CFAP92: variants seen among roughly 807,000 people sequenced by gnomAD.
The protein encoded by CFAP92 is uncharacterized protein CFAP92.
Under a neutral mutation model 106.3 loss-of-function variants are expected in CFAP92, and 86 were observed. The ratio of observed to expected loss-of-function variants is 0.81; its 90% confidence interval spans 0.68 to 0.97. The LOEUF is 0.97. Among genes scored for constraint, CFAP92 ranks in the 50% least tolerant of loss-of-function variants. CFAP92 has a pLI of 0.00. For synonymous variants in CFAP92, 477 were observed against 506.4 expected (o/e 0.94, Z 0.78); for missense variants, 1,204 against 1,283.8 (o/e 0.94, Z 0.95).
chr3:128,957,893 A>C (rs747247739), intron 9 of CFAP92, among the ~76,000 whole-genome samples: 19 of 152,146 alleles, frequency 1.2e-4, no homozygotes, highest in Non-Finnish European at 2.5e-4. Flanking sequence ...AGAAGTCAGA[A>C]ATTAAGCTGT....
At chr3:129,012,245 C>T in the CFAP92 span, among the ~76,000 whole-genome samples, 4 of 152,216 alleles carry the variant, frequency 2.6e-5, no homozygotes, top group African/African-American at 9.7e-5. Context: ...TAGTACCTAC[C>T]GCACAGGGTA....
At chr3:129,000,935 C>T (rs1303456018) in intron 1 of CFAP92, among the ~76,000 whole-genome samples, 4 of 152,240 alleles carry the variant, frequency 2.6e-5, no homozygotes, top group Admixed American at 2.0e-4. Flanking sequence ...GCCTGTTTCC[C>T]TCTCTTTCCC....
chr3:129,004,758 G>C (rs1017959078), upstream of CFAP92, among the ~76,000 whole-genome samples: 10 of 152,090 alleles, frequency 6.6e-5, no homozygotes, highest in Admixed American at 6.6e-4. Flanking sequence ...GCCCTGTGAG[G>C]TGGGTACTGC....
rs1444072124 is a variant in CFAP92, at chr3:128,945,768, ACTC to A, written c.1558_1560del (p.Glu520del). 6.5e-7 allele frequency: 1 copy of A among 1,532,320 alleles called. No individual in the cohort carries two copies. Among genetic ancestry groups the A allele is most frequent in the African/African-American group, 1.4e-5 (1 of 72,722 alleles). The allele number at this position is 1,532,320 out of a possible 1,614,324, so 94.9% of individuals were successfully genotyped here. On this transcript the variant is annotated inframe_deletion, in exon 10 of 16. Transcript: ENST00000645291. ...CCAAACAGCACGGGCTTCTGAGAAC[ACTC>A]CTCTGACTTGCGGTCCCGGTCGTGA...
At chr3:129,007,533 T>G (rs531335353), upstream of CFAP92, among the ~76,000 whole-genome samples, 15 of 152,314 alleles carry the variant, frequency 9.8e-5, no homozygotes, top group South Asian at 3.1e-3. Flanking sequence ...AACAAACACC[T>G]TTCCAGCATC....
At chr3:128,942,916 C>CTTTTT (rs36073693) in intron 10 of CFAP92, among the ~76,000 whole-genome samples, 5 of 84,972 alleles carry the variant, frequency 5.9e-5, no homozygotes, top group African/African-American at 1.2e-4. Flanking sequence ...AAAACTCAAC[C>CTTTTT]TTTTTTTTTT....
intron 4 of CFAP92, among the ~76,000 whole-genome samples, chr3:128,981,053 T>TC (rs1559926896): frequency 1.3e-5 from 2 of 151,830 alleles, no homozygotes; most frequent in African/African-American, 4.8e-5. Context: ...TTTTTTTTTT[T>TC]CGAGGCAGAG....
chr3:128,943,926 T>G (rs1559879167), intron 10 of CFAP92, among the ~76,000 whole-genome samples: 4 of 148,112 alleles, frequency 2.7e-5, no homozygotes, highest in Non-Finnish European at 6.0e-5. Context: ...CCCCGTTTTT[T>G]TTTTTTTTTT....
chr3:128,921,327 G>A (rs146649437), intron 12 of CFAP92, among the ~76,000 whole-genome samples: 5 of 152,342 alleles, frequency 3.3e-5, no homozygotes, highest in African/African-American at 1.2e-4. Context: ...GCACTCGGAA[G>A]GACCAGGGTA....
chr3:128,947,414 A>T (rs1355184101), intron 9 of CFAP92, among the ~76,000 whole-genome samples: 1 of 152,236 alleles, frequency 6.6e-6, no homozygotes, highest in Non-Finnish European at 1.5e-5. Flanking sequence ...TAAAATTTGT[A>T]TAGAAGAGCC....
At chr3:128,970,915 C>T (rs1942743292) in intron 8 of CFAP92, 1 of 267,376 alleles carries the variant, frequency 3.7e-6, no homozygotes, top group Non-Finnish European at 7.1e-6. Context: ...GGTTCCCTTT[C>T]CTCATTCCCT....
rs551506805 is a variant in CFAP92 at position 128,957,093 on chromosome 3, A to G, written c.1353+8418T>C. On this transcript the variant is annotated intron_variant, in intron 9 of 15. Transcript: ENST00000645291. ...AACACCCTGAGACAAAGAACAACTA[A>G]AAGAATTTGTTTTCAGCAGATTTAT... Among the ~76,000 whole-genome samples the G allele has an allele frequency of 1.3e-3, 203 of 152,304 alleles. 1 individual carries two copies. Among genetic ancestry groups the G allele is most frequent in the African/African-American group, 4.1e-3 (169 of 41,560 alleles).
At chr3:128,911,642 A>C (rs1211642783) in intron 15 of CFAP92, among the ~76,000 whole-genome samples, 1 of 151,856 alleles carries the variant, frequency 6.6e-6, no homozygotes, top group East Asian at 1.9e-4. Context: ...GGGTTTCACC[A>C]TGTTGGCCAA....
chr3:129,017,670 T>C, the CFAP92 span, among the ~76,000 whole-genome samples: 5 of 152,170 alleles, frequency 3.3e-5, no homozygotes, highest in African/African-American at 1.2e-4. Flanking sequence ...CACATCTCTC[T>C]CACAGCCTCT....
Position 128,994,016 on chromosome 3 carries a change from G to C in CFAP92, c.-69C>G. 1 of 987,456 alleles carries C rather than the reference G, an allele frequency of 1.0e-6. No individual in the cohort carries two copies. Among genetic ancestry groups the C allele is most frequent in the Non-Finnish European group, 1.2e-6 (1 of 831,018 alleles). 61.2% of individuals were successfully genotyped at this position (987,456 alleles called of 1,614,324 possible). On this transcript the variant is annotated 5_prime_UTR_variant, in exon 1 of 16. Coordinates refer to ENST00000645291, the MANE Select transcript of CFAP92 (RefSeq NM_001394090.1). The stretch of plus-strand genomic sequence containing the variant: ...TGCGCTGGGCGGCAGCGGGGAGTTG[G>C]ACCGCGGCGGCAACTCCCGTACCGG...
chr3:128,991,891 T>A (rs1358051289), intron 2 of CFAP92: 2 of 986,158 alleles, frequency 2.0e-6, no homozygotes, highest in African/African-American at 3.5e-5. Flanking sequence ...TGTGAAGTAC[T>A]ACTTGTCTCC....
At position 128,910,895 on chromosome 3, in the gene CFAP92, A is replaced by G. The variant is rs1324790895; in HGVS notation, c.3281-562T>C. The G allele has an allele frequency of 5.3e-6, 8 of 1,508,082 alleles. 1 individual carries two copies. In the East Asian group the frequency reaches 1.1e-4, roughly 21 times the overall value. 93.4% of individuals were successfully genotyped at this position (1,508,082 alleles called of 1,614,324 possible). On this transcript the variant is annotated intron_variant, in intron 15 of 15. Coordinates refer to ENST00000645291, the MANE Select transcript of CFAP92 (RefSeq NM_001394090.1). ...TGGTGAGCTGTTTCTGGACCCTGTCAAGCTCCCAGAGCCTGCTAGCTACTC... is the reference window on the plus strand; with the variant it reads ...TGGTGAGCTGTTTCTGGACCCTGTCGAGCTCCCAGAGCCTGCTAGCTACTC...
chr3:128,910,798 T>C lies in CFAP92; in HGVS notation c.3281-465A>G, dbSNP rs2107666715. 6.2e-7 allele frequency: 1 copy of C among 1,614,158 alleles called. No homozygotes were observed. The highest frequency in any genetic ancestry group is 8.5e-7 in the Non-Finnish European group (1 of 1,180,028). On this transcript the variant is annotated intron_variant, in intron 15 of 15. Coordinates refer to ENST00000645291, the MANE Select transcript of CFAP92 (RefSeq NM_001394090.1). ...TTACTTGCAGAATCTCTTCAGCCTCTCTCAGCTGGACAAGTGTGAGTGGCA... is the reference window on the plus strand; with the variant it reads ...TTACTTGCAGAATCTCTTCAGCCTCCCTCAGCTGGACAAGTGTGAGTGGCA...
chr3:129,001,755 G>A, intron 1 of CFAP92: 1 of 1,541,562 alleles, frequency 6.5e-7, no homozygotes, highest in Non-Finnish European at 8.7e-7. Flanking sequence ...GCTGGACCGC[G>A]GCGTGGAGAA....
Sources: allele counts gnomAD v4.1 joint callset (sites outside exome capture counted in the v4.1 genomes callset), GRCh38; gene constraint gnomAD v4.1.1; transcripts MANE v1.5; gene names NCBI Gene and HGNC (gene_info 2026-07-23, HGNC 2026-07-21).